Variants in MAMLD1 observed in about 807,000 individuals in gnomAD.
MAMLD1 encodes mastermind like domain containing 1.
MAMLD1 carries 14 observed loss-of-function variants against 45.0 expected under a neutral mutation model. The observed-to-expected ratio is 0.31, with a 90% CI of 0.21 to 0.49. The LOEUF (loss-of-function observed/expected upper bound fraction) is 0.49. Ranked by LOEUF, MAMLD1 falls within the 20% of genes least tolerant of loss-of-function variation. The pLI is 0.99. For missense variants in MAMLD1, 543 were observed against 603.6 expected, an observed-to-expected ratio of 0.90 and a Z score of 1.05; for synonymous variants, 254 against 247.8, an observed-to-expected ratio of 1.02 and a Z score of -0.24.
chrX:150,498,969 G>A (rs2037470172), intron 5 of MAMLD1, among the ~76,000 whole-genome samples: 1 of 112,005 alleles, frequency 8.9e-6, no homozygotes, highest in Admixed American at 9.5e-5. Flanking sequence ...TTTGATATGG[G>A]GCAGGAGGCA....
chrX:150,378,766 A>G (rs1163232762), intron 1 of MAMLD1, among the ~76,000 whole-genome samples: 1 of 111,457 alleles, frequency 9.0e-6, no homozygotes, highest in African/African-American at 3.3e-5. Flanking sequence ...TGATGCTCAA[A>G]TTGCCTGAGG....
At chrX:150,466,206 C>T (rs1242227799) in intron 3 of MAMLD1, among the ~76,000 whole-genome samples, 3 of 112,838 alleles carry the variant, frequency 2.7e-5, no homozygotes, top group Admixed American at 9.3e-5. Context: ...TAGATTTCCA[C>T]GCCTCACTGA....
Position 150,512,891 on chromosome X carries a change from T to A in MAMLD1, c.*932T>A, listed in dbSNP as rs1351388242. The A allele has an allele frequency of 3.5e-6, 4 of 1,153,736 alleles. No homozygotes were observed. The African/African-American group carries it at 5.4e-5, about 16-fold the overall frequency. On this transcript the variant is annotated 3_prime_UTR_variant, in exon 8 of 8. Transcript: ENST00000370401. Reference sequence around the variant, plus strand: ...ACCCCCACTAAATGATCTGATTTCGTCACCTGACTGCAATGAGGTAGATTT... The same window carrying A: ...ACCCCCACTAAATGATCTGATTTCGACACCTGACTGCAATGAGGTAGATTT...
At chrX:150,503,708 C>T (rs1167229324) in intron 6 of MAMLD1, among the ~76,000 whole-genome samples, 191 bp downstream of exon 6, 7 of 112,396 alleles carry the variant, frequency 6.2e-5, no homozygotes, top group African/African-American at 6.5e-5. Context: ...ACTTTCTGCC[C>T]GGCATTCTTT....
chrX:150,460,463 C>T (rs2036000595), intron 2 of MAMLD1, among the ~76,000 whole-genome samples: 1 of 112,090 alleles, frequency 8.9e-6, no homozygotes, highest in Non-Finnish European at 1.9e-5. Context: ...GGAAGAGCCC[C>T]TTGGGTTTGT....
intron 1 of MAMLD1, among the ~76,000 whole-genome samples, chrX:150,368,505 G>A (rs1481133522): frequency 2.7e-5 from 3 of 110,168 alleles, no homozygotes; most frequent in African/African-American, 3.3e-5. Flanking sequence ...CTCCCGTTCT[G>A]TAGGTTGCCC....
At chrX:150,499,297 C>T (rs1487622954) in intron 5 of MAMLD1, among the ~76,000 whole-genome samples, 1 of 112,266 alleles carries the variant, frequency 8.9e-6, no homozygotes, top group East Asian at 2.8e-4. Context: ...CCTACAAGCT[C>T]TCAGAAGCCA....
At chrX:150,495,808 T>C (rs1557408243) in intron 5 of MAMLD1, among the ~76,000 whole-genome samples, 2 of 112,407 alleles carry the variant, frequency 1.8e-5, no homozygotes, top group African/African-American at 3.2e-5. Context: ...CTCCTCCTCC[T>C]GAGGCTTGGG....
At chrX:150,364,312 AGT>A (rs1158471161) in intron 1 of MAMLD1, among the ~76,000 whole-genome samples, 1 of 113,029 alleles carries the variant, frequency 8.8e-6, no homozygotes, top group African/African-American at 3.2e-5. Context: ...GTCCCAATGC[AGT>A]GTGTCCGAAG....
rs1488040949 is a variant in MAMLD1 at position 150,382,889 on chromosome X, T to TA, written c.-64+19359_-64+19360insA. On this transcript the variant is annotated intron_variant, in intron 1 of 7. Transcript: ENST00000370401. ...TATTTTGTCCCATTTTATTTTATTT[T>TA]TTTTTTTTTTTATTTTTTATTTTTT... is the stretch of plus-strand genomic sequence containing the variant. 2.7e-4 allele frequency among the ~76,000 whole-genome samples: 9 copies of TA among 32,872 alleles called. 2 individuals carry two copies. The highest frequency in any genetic ancestry group is 1.6e-3 in the African/African-American group (5 of 3,130). The allele number at this position is 32,872 out of a possible 115,157, so 28.5% of individuals were successfully genotyped here.
At chrX:150,412,318 A>ACCC (rs1316483492) in intron 1 of MAMLD1, among the ~76,000 whole-genome samples, 1 of 110,703 alleles carries the variant, frequency 9.0e-6, no homozygotes, top group Non-Finnish European at 1.9e-5. Flanking sequence ...CTTGCATTGT[A>ACCC]CCCCCACCCC....
chrX:150,459,118 A>G (rs2035959158), intron 2 of MAMLD1, among the ~76,000 whole-genome samples: 1 of 111,624 alleles, frequency 9.0e-6, no homozygotes, highest in Admixed American at 9.5e-5. Context: ...TGCAATCCAA[A>G]TGGGGTCTGT....
At chrX:150,439,970 C>T (rs1371796793) in intron 1 of MAMLD1, among the ~76,000 whole-genome samples, 1 of 110,981 alleles carries the variant, frequency 9.0e-6, no homozygotes, top group Non-Finnish European at 1.9e-5. Context: ...GGATTTATTT[C>T]TGAATTCTCA....
chrX:150,426,705 A>G (rs1051005482), intron 1 of MAMLD1, among the ~76,000 whole-genome samples: 1 of 110,924 alleles, frequency 9.0e-6, no homozygotes, highest in Non-Finnish European at 1.9e-5. Context: ...TCAGGATCTC[A>G]GGATGTTCCA....
At chrX:150,363,241 T>TATCAG (rs1434140224), upstream of MAMLD1, 3 of 112,905 alleles carry the variant, frequency 2.7e-5, no homozygotes, top group African/African-American at 9.7e-5. Context: ...GAGAAATGCC[T>TATCAG]ATCAGTAACT....
chrX:150,374,192 A>G (rs1262043746), intron 1 of MAMLD1, among the ~76,000 whole-genome samples: 1 of 112,711 alleles, frequency 8.9e-6, no homozygotes, highest in African/African-American at 3.2e-5. Context: ...TGTTGCATCT[A>G]ATTTAGGGTA....
At chrX:150,401,163 A>G (rs781880494) in intron 1 of MAMLD1, among the ~76,000 whole-genome samples, 2 of 111,397 alleles carry the variant, frequency 1.8e-5, no homozygotes, top group East Asian at 5.6e-4. Context: ...TCAGAGATTC[A>G]ACTTCTTCCT....
At chrX:150,365,548 CG>C (rs2031366974) in intron 1 of MAMLD1, among the ~76,000 whole-genome samples, 1 of 113,206 alleles carries the variant, frequency 8.8e-6, no homozygotes, top group Non-Finnish European at 1.9e-5. Context: ...CGCTTTGCAG[CG>C]GGCGCCCCTC....
chrX:150,453,675 C>A (rs1345117828), intron 2 of MAMLD1, among the ~76,000 whole-genome samples: 1 of 112,009 alleles, frequency 8.9e-6, no homozygotes, highest in Non-Finnish European at 1.9e-5. Context: ...AAAATACAAT[C>A]CAATCCCTTT....
Sources: allele counts gnomAD v4.1 joint callset (sites outside exome capture counted in the v4.1 genomes callset), GRCh38; gene constraint gnomAD v4.1.1; transcripts MANE v1.5; gene names NCBI Gene and HGNC (gene_info 2026-07-23, HGNC 2026-07-21).